PCDHA9: variants seen among roughly 807,000 people sequenced by gnomAD.
PCDHA9 encodes the protein protocadherin alpha 9, also known as protocadherin alpha-9.
A neutral mutation model predicts 62.0 loss-of-function variants in PCDHA9; 62 were observed. The ratio of observed to expected loss-of-function variants is 1.00; its 90% confidence interval spans 0.81 to 1.23. The LOEUF (loss-of-function observed/expected upper bound fraction) is 1.23. Ranked by LOEUF, PCDHA9 falls within the 50% of genes most tolerant of loss-of-function variation. PCDHA9 has a pLI of 0.00. For synonymous variants in PCDHA9, 557 were observed against 567.6 expected (o/e 0.98, Z 0.27); for missense variants, 1,205 against 1,249.8 (o/e 0.96, Z 0.54).
rs782343997 is a variant in PCDHA9 at position 140,882,709 on chromosome 5, T to C, written c.2394+31820T>C. 6 of 1,614,022 alleles carry C rather than the reference T, an allele frequency of 3.7e-6. No homozygotes were observed. In the Admixed American group the frequency reaches 6.7e-5, roughly 18 times the overall value. ...GAATAATCATTGCAGAATCTAGACC[T>C]CCGGAAACTCGATTTCCACTAGATG... is the stretch of plus-strand genomic sequence containing the variant. On this transcript the variant is annotated intron_variant, in intron 1 of 3. Coordinates refer to ENST00000532602, the MANE Select transcript of PCDHA9 (RefSeq NM_031857.2).
intron 1 of PCDHA9, among the ~76,000 whole-genome samples, chr5:140,911,178 G>A (rs1227283843): frequency 1.3e-5 from 2 of 152,196 alleles, no homozygotes; most frequent in Non-Finnish European, 2.9e-5. Flanking sequence ...TGATGGCAGT[G>A]TGGGTTGGGG....
intron 1 of PCDHA9, chr5:140,877,898 A>G: frequency 6.9e-7 from 1 of 1,445,150 alleles, no homozygotes. Context: ...CGTTTAGGTT[A>G]TAACTACATT....
chr5:140,907,109 C>T (rs6883830), intron 1 of PCDHA9, among the ~76,000 whole-genome samples: 5,598 of 152,160 alleles, frequency 0.037, 292 homozygotes, highest in African/African-American at 0.12. Flanking sequence ...CCACTTCCAC[C>T]CCTTGATTCC....
chr5:140,869,373 C>T (rs782224697), intron 1 of PCDHA9: 5 of 1,613,984 alleles, frequency 3.1e-6, no homozygotes, highest in African/African-American at 2.7e-5. Flanking sequence ...ATTCTCGGAT[C>T]GACCGCGAGG....
At chr5:140,904,107 T>A (rs1214453471) in intron 1 of PCDHA9, among the ~76,000 whole-genome samples, 3 of 152,216 alleles carry the variant, frequency 2.0e-5, no homozygotes, top group Non-Finnish European at 4.4e-5. Context: ...TAGTGGTCAT[T>A]GCTGAGATTT....
At chr5:140,945,488 C>T (rs1362622912) in intron 1 of PCDHA9, among the ~76,000 whole-genome samples, 1 of 151,910 alleles carries the variant, frequency 6.6e-6, no homozygotes, top group Non-Finnish European at 1.5e-5. Flanking sequence ...ACCCCAAATA[C>T]CCAAAGCAAT....
At chr5:140,994,188 G>T (rs1156320589) in intron 3 of PCDHA9, among the ~76,000 whole-genome samples, 1 of 152,080 alleles carries the variant, frequency 6.6e-6, no homozygotes, top group Non-Finnish European at 1.5e-5. Flanking sequence ...AAACCACCAG[G>T]GCCTGTTGGT....
chr5:140,868,792 C>A, intron 1 of PCDHA9: 1 of 326,784 alleles, frequency 3.1e-6, no homozygotes, highest in South Asian at 7.0e-5. Context: ...TCTGAATATT[C>A]CATAAATAAG....
At chr5:140,929,241 T>TG (rs2085975080) in intron 1 of PCDHA9, 1 of 1,613,878 alleles carries the variant, frequency 6.2e-7, no homozygotes. Context: ...TGCGAAATCT[T>TG]GCCACTGGGG....
Position 140,857,497 on chromosome 5 carries a change from G to T in PCDHA9, c.2394+6608G>T, listed in dbSNP as rs1473016176. Reference sequence around the variant, plus strand: ...CGGTGTCTGCGTGGGACGCGGACGCGCAGGAGAACGCCCTGGTGTCCTACT... The same window carrying T: ...CGGTGTCTGCGTGGGACGCGGACGCTCAGGAGAACGCCCTGGTGTCCTACT... On this transcript the variant is annotated intron_variant, in intron 1 of 3. Coordinates refer to ENST00000532602, the MANE Select transcript of PCDHA9 (RefSeq NM_031857.2). 10 of 1,598,150 alleles carry T rather than the reference G, an allele frequency of 6.3e-6. 1 individual carries two copies. The highest frequency in any genetic ancestry group is 5.4e-5 in the African/African-American group (4 of 74,450).
At chr5:140,953,565 C>A (rs1433649283) in intron 1 of PCDHA9, among the ~76,000 whole-genome samples, 2 of 151,370 alleles carry the variant, frequency 1.3e-5, no homozygotes, top group African/African-American at 2.5e-5. Context: ...AGTTTTAGTG[C>A]CCTCCTCTCC....
intron 1 of PCDHA9, chr5:140,860,808 G>GCTCA (rs2153220670): frequency 6.6e-6 from 1 of 152,328 alleles, no homozygotes. Context: ...CACGATCTCG[G>GCTCA]CTCACTGCAA....
intron 1 of PCDHA9, among the ~76,000 whole-genome samples, chr5:140,946,992 A>T (rs1393633852): frequency 1.3e-5 from 2 of 151,908 alleles, no homozygotes; most frequent in East Asian, 3.9e-4. Context: ...TGAGTGTTCT[A>T]ACTTCAAAGA....
intron 1 of PCDHA9, chr5:140,870,539 G>C (rs367673976): frequency 1.2e-5 from 20 of 1,614,040 alleles, no homozygotes; most frequent in Admixed American, 1.7e-5. Context: ...GTGTCGGCGC[G>C]GGACGCGGAC....
intron 1 of PCDHA9, among the ~76,000 whole-genome samples, chr5:140,972,279 A>G (rs568636203): frequency 3.3e-5 from 5 of 150,992 alleles, no homozygotes; most frequent in South Asian, 4.2e-4. Context: ...AGCTTGGACC[A>G]TAGATGTGCG....
intron 1 of PCDHA9, among the ~76,000 whole-genome samples, chr5:140,941,221 TTC>T (rs1217645089): frequency 7.6e-6 from 1 of 131,640 alleles, no homozygotes; most frequent in African/African-American, 3.0e-5. Flanking sequence ...CTTCCTTTCT[TTC>T]TTTCTTTCTT....
chr5:140,870,395 C>T (rs1554164197), intron 1 of PCDHA9: 1 of 1,614,218 alleles, frequency 6.2e-7, no homozygotes, highest in South Asian at 1.1e-5. Context: ...GATGGGGGTT[C>T]GCCTTCTCTG....
In PCDHA9 at chr5:140,927,340, G is replaced by A. The variant is rs77098674; in HGVS notation, c.2395-51609G>A. ...CCGCTTTACTCTCCCGAATGCCCAAGATGACGACGAGGGAAGCAATGGGAT... is the reference window on the plus strand; with the variant it reads ...CCGCTTTACTCTCCCGAATGCCCAAAATGACGACGAGGGAAGCAATGGGAT... On this transcript the variant is annotated intron_variant, in intron 1 of 3. Coordinates refer to ENST00000532602, the MANE Select transcript of PCDHA9 (RefSeq NM_031857.2). The A allele has an allele frequency of 8.1e-6, 13 of 1,614,032 alleles. No individual in the cohort carries two copies. The African/African-American group carries it at 1.5e-4, about 18-fold the overall frequency.
chr5:140,913,670 A>G (rs2076427033), intron 1 of PCDHA9, among the ~76,000 whole-genome samples: 1 of 152,090 alleles, frequency 6.6e-6, no homozygotes, highest in Non-Finnish European at 1.5e-5. Flanking sequence ...TAGTTAGGTT[A>G]TTTAAAATGA....
Sources: allele counts gnomAD v4.1 joint callset (sites outside exome capture counted in the v4.1 genomes callset), GRCh38; gene constraint gnomAD v4.1.1; transcripts MANE v1.5; gene names NCBI Gene and HGNC (gene_info 2026-07-23, HGNC 2026-07-21).